Variants in RAB38 observed in about 807,000 individuals in gnomAD.
RAB38 encodes the protein ras-related protein Rab-38.
RAB38 carries 15 observed loss-of-function variants against 18.4 expected under a neutral mutation model. The ratio of observed to expected loss-of-function variants is 0.82; its 90% CI spans 0.55 to 1.26. The LOEUF is 1.26. RAB38 is among the 50% of genes most tolerant of loss of function. The pLI is 0.00. For missense variants in RAB38, 294 were observed against 267.4 expected (o/e 1.10, Z -0.69); for synonymous variants, 101 against 104.4 (o/e 0.97, Z 0.20).
At chr11:87,850,714 CCACACACA>C in the RAB38 span, among the ~76,000 whole-genome samples, 825 of 146,514 alleles carry the variant, frequency 5.6e-3, 10 homozygotes, top group African/African-American at 0.018. Context: ...CACAACACTG[CCACACACA>C]CACACACACA....
the RAB38 span, among the ~76,000 whole-genome samples, chr11:88,019,011 C>T: frequency 5.9e-5 from 9 of 152,074 alleles, no homozygotes; most frequent in Non-Finnish European, 1.0e-4. Flanking sequence ...TCCTACCTCA[C>T]TGACCACTTC....
the RAB38 span, among the ~76,000 whole-genome samples, chr11:87,880,895 G>A: frequency 1.3e-5 from 2 of 151,870 alleles, no homozygotes; most frequent in Non-Finnish European, 2.9e-5. Context: ...ATGTTCATAT[G>A]TGGAATAAAT....
the RAB38 span, among the ~76,000 whole-genome samples, chr11:87,908,081 G>A: frequency 6.6e-5 from 10 of 151,344 alleles, no homozygotes; most frequent in East Asian, 5.9e-4. Flanking sequence ...GATTAGTCTC[G>A]GTCATAAGAC....
the RAB38 span, among the ~76,000 whole-genome samples, chr11:88,022,625 A>AAAAAAC: frequency 6.6e-6 from 1 of 150,582 alleles, no homozygotes. Flanking sequence ...AAAAAAAAAA[A>AAAAAAC]AAAAAAACAA....
the RAB38 span, among the ~76,000 whole-genome samples, chr11:87,920,631 T>C: frequency 1.3e-5 from 2 of 152,130 alleles, no homozygotes; most frequent in Admixed American, 6.6e-5. Context: ...AATGCAGTAT[T>C]TGTGTATGTC....
the RAB38 span, among the ~76,000 whole-genome samples, chr11:87,948,399 C>T: frequency 3.3e-5 from 5 of 151,976 alleles, no homozygotes; most frequent in Non-Finnish European, 7.4e-5. Flanking sequence ...CCTTCTCCTG[C>T]CTGATTGCCC....
chr11:88,139,697 A>G (rs1225178378), intron 2 of RAB38, among the ~76,000 whole-genome samples: 1 of 152,194 alleles, frequency 6.6e-6, no homozygotes, highest in East Asian at 1.9e-4. Flanking sequence ...TTTTCCAAAA[A>G]CATATATTCT....
At chr11:87,820,146 C>G in the RAB38 span, among the ~76,000 whole-genome samples, 1 of 152,184 alleles carries the variant, frequency 6.6e-6, no homozygotes, top group Non-Finnish European at 1.5e-5. Flanking sequence ...ATTCTTAGTG[C>G]TCTGCAGCTG....
chr11:87,889,896 C>G, the RAB38 span, among the ~76,000 whole-genome samples: 1 of 151,616 alleles, frequency 6.6e-6, no homozygotes. Context: ...CCTCTGTATT[C>G]TCTGTATCTA....
chr11:87,825,982 A>C, the RAB38 span, among the ~76,000 whole-genome samples: 75 of 152,302 alleles, frequency 4.9e-4, no homozygotes, highest in East Asian at 0.012. Context: ...TTAATTAAAA[A>C]TTGTATAATA....
At chr11:87,960,394 A>AG in the RAB38 span, among the ~76,000 whole-genome samples, 38 of 151,864 alleles carry the variant, frequency 2.5e-4, no homozygotes, top group African/African-American at 4.6e-4. Flanking sequence ...AAAAGAAAAA[A>AG]AGAGAGAAAT....
At chr11:87,922,655 C>A in the RAB38 span, among the ~76,000 whole-genome samples, 5 of 151,832 alleles carry the variant, frequency 3.3e-5, no homozygotes, top group Non-Finnish European at 7.4e-5. Context: ...AAACACTGAG[C>A]AAATTTTCAG....
the RAB38 span, among the ~76,000 whole-genome samples, chr11:87,932,592 A>G: frequency 6.6e-6 from 1 of 152,072 alleles, no homozygotes; most frequent in African/African-American, 2.4e-5. Context: ...GATACATCTC[A>G]CTTAGATCCT....
At chr11:87,931,674 T>C in the RAB38 span, among the ~76,000 whole-genome samples, 5 of 152,134 alleles carry the variant, frequency 3.3e-5, no homozygotes, top group Admixed American at 2.0e-4. Flanking sequence ...TATCAGTTCC[T>C]TCTGTTAGCT....
At chr11:87,884,069 C>T in the RAB38 span, among the ~76,000 whole-genome samples, 1 of 151,950 alleles carries the variant, frequency 6.6e-6, no homozygotes, top group Admixed American at 6.6e-5. Context: ...GCTTTACTCT[C>T]TTAGATGATT....
At chr11:88,021,694 G>A in the RAB38 span, among the ~76,000 whole-genome samples, 2 of 150,286 alleles carry the variant, frequency 1.3e-5, no homozygotes, top group African/African-American at 2.4e-5. Context: ...GGGTTCAAGC[G>A]ATCCTCATGC....
chr11:87,900,661 T>TA, the RAB38 span, among the ~76,000 whole-genome samples: 1 of 131,216 alleles, frequency 7.6e-6, no homozygotes, highest in Non-Finnish European at 1.6e-5. Context: ...GAAAGAAAGG[T>TA]AGGAAGGAAG....
At chr11:88,084,247 T>G in the RAB38 span, among the ~76,000 whole-genome samples, 1 of 151,644 alleles carries the variant, frequency 6.6e-6, no homozygotes, top group African/African-American at 2.4e-5. Flanking sequence ...AAAGCTACCC[T>G]GTGGTTGAAC....
At chr11:87,845,883 C>G in the RAB38 span, among the ~76,000 whole-genome samples, 1 of 151,864 alleles carries the variant, frequency 6.6e-6, no homozygotes, top group South Asian at 2.1e-4. Context: ...TTTAAAGTAC[C>G]GAAAGTCAAA....
Sources: allele counts gnomAD v4.1 joint callset (sites outside exome capture counted in the v4.1 genomes callset), GRCh38; gene constraint gnomAD v4.1.1; transcripts MANE v1.5; gene names NCBI Gene and HGNC (gene_info 2026-07-23, HGNC 2026-07-21).